The following PDE1A variants were observed in gnomAD, a reference collection of about 807,000 sequenced individuals.
The protein encoded by PDE1A is dual specificity calcium/calmodulin-dependent 3',5'-cyclic nucleotide phosphodiesterase 1A.
PDE1A carries 35 observed loss-of-function variants against 61.7 expected under a neutral mutation model. That is an observed-to-expected ratio of 0.57 (90% CI 0.43 to 0.75). The LOEUF (loss-of-function observed/expected upper bound fraction) is 0.75, where lower values mean the gene tolerates loss of function less well. Among genes scored for constraint, PDE1A ranks in the 30% least tolerant of loss-of-function variants. The pLI is 0.00. For synonymous variants in PDE1A, 232 were observed against 213.2 expected, an observed-to-expected ratio of 1.09 and a Z score of -0.77; for missense variants, 597 against 630.6, an observed-to-expected ratio of 0.95 and a Z score of 0.57.
the PDE1A span, among the ~76,000 whole-genome samples, chr2:182,658,015 G>A: frequency 8.4e-5 from 10 of 119,380 alleles, no homozygotes; most frequent in African/African-American, 3.0e-4. Context: ...TGTGTGTATC[G>A]CATAGTACCT....
chr2:182,599,739 C>A, the PDE1A span, among the ~76,000 whole-genome samples: 2 of 152,210 alleles, frequency 1.3e-5, no homozygotes, highest in Non-Finnish European at 2.9e-5. Context: ...CTATCTGAAA[C>A]TTAATTTTAA....
intron 8 of PDE1A, among the ~76,000 whole-genome samples, chr2:182,204,074 A>G (rs962146646): frequency 6.6e-6 from 1 of 152,214 alleles, no homozygotes; most frequent in Non-Finnish European, 1.5e-5. Context: ...ATAGGAAATA[A>G]AATCACACTG....
At chr2:182,366,607 A>G (rs1475253151) in intron 1 of PDE1A, among the ~76,000 whole-genome samples, 2 of 141,440 alleles carry the variant, frequency 1.4e-5, no homozygotes, top group Non-Finnish European at 3.1e-5. Context: ...CAATATGGAC[A>G]ATATGAAATT....
At chr2:182,656,055 G>C in the PDE1A span, among the ~76,000 whole-genome samples, 110 of 152,262 alleles carry the variant, frequency 7.2e-4, 1 homozygote, top group African/African-American at 2.5e-3. Flanking sequence ...AGTTAGCAAA[G>C]GCCAGACAAT....
At chr2:182,437,656 C>T (rs930102412) in intron 2 of PDE1A, among the ~76,000 whole-genome samples, 1 of 151,990 alleles carries the variant, frequency 6.6e-6, no homozygotes, top group Admixed American at 6.6e-5. Context: ...CTGGGACTGA[C>T]AAAACAAAGG....
At chr2:182,705,749 A>G in the PDE1A span, among the ~76,000 whole-genome samples, 1 of 152,146 alleles carries the variant, frequency 6.6e-6, no homozygotes, top group Non-Finnish European at 1.5e-5. Flanking sequence ...CCTGACCTCA[A>G]ATGATCCACC....
At chr2:182,664,856 G>A in the PDE1A span, among the ~76,000 whole-genome samples, 3 of 152,142 alleles carry the variant, frequency 2.0e-5, no homozygotes, top group South Asian at 4.1e-4. Context: ...AAAGAGATAC[G>A]TAAGTCAAAT....
the PDE1A span, among the ~76,000 whole-genome samples, chr2:182,675,409 A>G: frequency 6.6e-6 from 1 of 152,216 alleles, no homozygotes; most frequent in African/African-American, 2.4e-5. Flanking sequence ...ATAGTGCTAC[A>G]ATGAATATTC....
At chr2:182,590,207 T>C in the PDE1A span, among the ~76,000 whole-genome samples, 2 of 152,146 alleles carry the variant, frequency 1.3e-5, no homozygotes, top group African/African-American at 4.8e-5. Flanking sequence ...GGCTCATGCC[T>C]ATAATCTCAG....
the PDE1A span, among the ~76,000 whole-genome samples, chr2:182,601,152 G>C: frequency 0.21 from 31,194 of 152,140 alleles, 3,433 homozygotes; most frequent in Middle Eastern, 0.33. Context: ...CAGCATGGAT[G>C]CCACATCTGC....
chr2:182,334,164 G>A (rs1697617872), intron 1 of PDE1A, among the ~76,000 whole-genome samples: 7 of 151,960 alleles, frequency 4.6e-5, no homozygotes, highest in Admixed American at 3.3e-4. Flanking sequence ...AAGAGGAGCT[G>A]GTACCATTCC....
the PDE1A span, among the ~76,000 whole-genome samples, chr2:182,689,107 T>C: frequency 3.2e-3 from 493 of 152,132 alleles, 1 homozygote; most frequent in African/African-American, 0.011. Flanking sequence ...CTGTCAACAT[T>C]AGAGAGATCA....
chr2:182,146,997 C>T, downstream of PDE1A: 1 of 888,676 alleles, frequency 1.1e-6, no homozygotes, highest in South Asian at 1.6e-5. Flanking sequence ...AAACCATTTA[C>T]TTTAGAAGTT....
chr2:182,488,801 T>C (rs1212168786), intron 2 of PDE1A, among the ~76,000 whole-genome samples: 1 of 152,188 alleles, frequency 6.6e-6, no homozygotes, highest in Non-Finnish European at 1.5e-5. Flanking sequence ...AAACACAGTC[T>C]GATAATATGA....
chr2:182,335,929 TAAAC>T (rs1225784158), intron 1 of PDE1A, among the ~76,000 whole-genome samples: 1 of 151,198 alleles, frequency 6.6e-6, no homozygotes, highest in African/African-American at 2.4e-5. Context: ...AAGAAAAAAA[TAAAC>T]AACCCCATCA....
In PDE1A at chr2:182,382,715, A is replaced by C. The variant is rs557549143; in HGVS notation, c.53+43863T>G. 4.9e-3 allele frequency among the ~76,000 whole-genome samples: 736 copies of C among 149,436 alleles called. 2 individuals carry two copies. Among genetic ancestry groups the C allele is most frequent in the African/African-American group, 0.017 (695 of 40,586 alleles). ...TAGTTTACTGTTTAGAAAAAAAAAA[A>C]CTAAATTTTGAGGATATTTTCTTTT... is the stretch of plus-strand genomic sequence containing the variant. On this transcript the variant is annotated intron_variant, in intron 1 of 13. Transcript: ENST00000351439.
chr2:182,171,337 T>C (rs540660182), intron 13 of PDE1A, among the ~76,000 whole-genome samples: 2 of 152,084 alleles, frequency 1.3e-5, no homozygotes, highest in Admixed American at 1.3e-4. Flanking sequence ...CAATATGCAG[T>C]ATTGCATATT....
At chr2:182,164,837 G>T (rs1315966986), downstream of PDE1A, among the ~76,000 whole-genome samples, 3 of 152,102 alleles carry the variant, frequency 2.0e-5, no homozygotes, top group Non-Finnish European at 2.9e-5. Context: ...TATGGATATG[G>T]ATTTGTCTTC....
intron 1 of PDE1A, among the ~76,000 whole-genome samples, chr2:182,382,691 A>T (rs973610855): frequency 2.3e-5 from 3 of 130,654 alleles, no homozygotes; most frequent in African/African-American, 8.7e-5. Context: ...CACACAGCTT[A>T]GTTTACTGTT....
Sources: allele counts gnomAD v4.1 joint callset (sites outside exome capture counted in the v4.1 genomes callset), GRCh38; gene constraint gnomAD v4.1.1; transcripts MANE v1.5; gene names NCBI Gene and HGNC (gene_info 2026-07-23, HGNC 2026-07-21).